The following PLA2R1 variants were observed in gnomAD, a reference collection of about 807,000 sequenced individuals.
The protein encoded by PLA2R1 is secretory phospholipase A2 receptor.
A neutral mutation model predicts 195.9 loss-of-function variants in PLA2R1; 158 were observed. That is an observed-to-expected ratio of 0.81 (90% CI 0.71 to 0.92). PLA2R1 has a LOEUF of 0.92. PLA2R1 is among the 40% of genes least tolerant of loss of function. The pLI, the probability that PLA2R1 is intolerant of heterozygous loss-of-function variation, is 0.00. For missense variants in PLA2R1, 1,626 were observed against 1,764.6 expected, an observed-to-expected ratio of 0.92 and a Z score of 1.41; for synonymous variants, 586 against 598.2, an observed-to-expected ratio of 0.98 and a Z score of 0.30.
At chr2:160,023,807 C>A (rs968087966) in intron 6 of PLA2R1, among the ~76,000 whole-genome samples, 1 of 152,214 alleles carries the variant, frequency 6.6e-6, no homozygotes, top group Non-Finnish European at 1.5e-5. Flanking sequence ...TACATTTTCA[C>A]GAAGGCAGCT....
chr2:159,955,033 T>C (rs1050290391), intron 23 of PLA2R1, among the ~76,000 whole-genome samples, 166 bp downstream of exon 23: 1 of 152,040 alleles, frequency 6.6e-6, no homozygotes, highest in Non-Finnish European at 1.5e-5. Context: ...AAGCCTAGGG[T>C]AGAGGAGATT....
downstream of PLA2R1, among the ~76,000 whole-genome samples, chr2:159,929,353 A>G (rs143560358): frequency 0.029 from 4,357 of 152,294 alleles, 94 homozygotes; most frequent in Non-Finnish European, 0.047. Context: ...TGAATACACA[A>G]TTCTCAAAAG....
intron 1 of PLA2R1, among the ~76,000 whole-genome samples, chr2:160,056,566 C>T (rs567391614): frequency 4.1e-4 from 63 of 152,358 alleles, no homozygotes; most frequent in Non-Finnish European, 7.5e-4. Context: ...CTAACTTTCA[C>T]TAACTGTTTT....
chr2:159,988,668 G>C (rs2105326767), intron 11 of PLA2R1, among the ~76,000 whole-genome samples: 1 of 152,152 alleles, frequency 6.6e-6, no homozygotes, highest in East Asian at 1.9e-4. Context: ...TTCTGTACCT[G>C]AAGGCTCTTT....
rs1686798612 is a variant in PLA2R1 at position 159,935,940 on chromosome 2, A to G, written c.*5838T>C. 8.6e-6 allele frequency: 1 copy of G among 116,140 alleles called. No homozygotes were observed. The highest frequency in any genetic ancestry group is 3.1e-5 in the African/African-American group (1 of 31,986). The allele number at this position is 116,140 out of a possible 1,614,324, so 7.2% of individuals were successfully genotyped here. A position where few individuals can be genotyped will look rare whatever the true frequency, so the allele number is the denominator to read the frequency against. On this transcript the variant is annotated 3_prime_UTR_variant, in exon 30 of 30. Coordinates refer to ENST00000283243, the MANE Select transcript of PLA2R1 (RefSeq NM_007366.5). ...TTCCTGCAGTAAAAATATGTATATA[A>G]ATTAATTTTTTTTTTTTTTTTTTTT... is the stretch of plus-strand genomic sequence containing the variant.
At chr2:159,986,296 G>A (rs1179117262) in intron 12 of PLA2R1, among the ~76,000 whole-genome samples, 1 of 152,080 alleles carries the variant, frequency 6.6e-6, no homozygotes, top group Non-Finnish European at 1.5e-5. Flanking sequence ...TGGTAAGTGC[G>A]ATGCAAATAT....
At chr2:160,024,080 T>TA (rs1430272566) in intron 6 of PLA2R1, among the ~76,000 whole-genome samples, 2 of 152,160 alleles carry the variant, frequency 1.3e-5, no homozygotes, top group Admixed American at 6.5e-5. Context: ...GCCTGGAGTC[T>TA]ACAGGACTAT....
intron 10 of PLA2R1, among the ~76,000 whole-genome samples, chr2:160,006,372 T>A (rs557387350): frequency 6.6e-6 from 1 of 152,218 alleles, no homozygotes; most frequent in African/African-American, 2.4e-5. Flanking sequence ...TAGGCAGAGG[T>A]AGGTCTCAGC....
rs1251670326 is a variant in PLA2R1, at chr2:159,937,671, AAT to A, written c.*4105_*4106del. 6.6e-6 allele frequency: 1 copy of A among 152,254 alleles called. No individual in the cohort carries two copies. The highest frequency in any genetic ancestry group is 1.5e-5 in the Non-Finnish European group (1 of 68,038). The allele number at this position is 152,254 out of a possible 1,614,324, so 9.4% of individuals were successfully genotyped here. Reference sequence around the variant, plus strand: ...CTTTTTCTACAGCTTGTTCTCTGACAATAGTCAGGCAGTGGATGAGATAAATT... The same window carrying A: ...CTTTTTCTACAGCTTGTTCTCTGACAAGTCAGGCAGTGGATGAGATAAATT... On this transcript the variant is annotated 3_prime_UTR_variant, in exon 30 of 30. Transcript: ENST00000283243.
Position 159,938,187 on chromosome 2 carries a change from T to C in PLA2R1, c.*3591A>G, listed in dbSNP as rs1166128062. Reference sequence around the variant, plus strand: ...ATTTCAACAGCCTGTGGAAGCTCCATAATGAATCAAAGATGGGTCTCAAGT... The same window carrying C: ...ATTTCAACAGCCTGTGGAAGCTCCACAATGAATCAAAGATGGGTCTCAAGT... On this transcript the variant is annotated 3_prime_UTR_variant, in exon 30 of 30. Transcript: ENST00000283243. 6.6e-6 allele frequency: 1 copy of C among 152,236 alleles called. No homozygotes were observed. Among genetic ancestry groups the C allele is most frequent in the Non-Finnish European group, 1.5e-5 (1 of 68,046 alleles). 9.4% of individuals were successfully genotyped at this position (152,236 alleles called of 1,614,324 possible). A position where few individuals can be genotyped will look rare whatever the true frequency, so the allele number is the denominator to read the frequency against.
In PLA2R1 at chr2:160,062,364, CCAGCAG is replaced by C. The variant is rs577078609; in HGVS notation, c.34_39del (p.Leu12_Leu13del). The C allele has an allele frequency of 1.3e-5, 20 of 1,535,484 alleles. No individual in the cohort carries two copies. The highest frequency in any genetic ancestry group is 6.0e-5 in the Admixed American group (3 of 50,060). On this transcript the variant is annotated inframe_deletion, in exon 1 of 30. Coordinates refer to ENST00000283243, the MANE Select transcript of PLA2R1 (RefSeq NM_007366.5). ...CCCTCGGCGCAGCCCCGCGGCGCCC[CCAGCAG>C]CAGCAGCAGCAGCAGCGACGGCGAC...
intron 28 of PLA2R1, among the ~76,000 whole-genome samples, chr2:159,943,724 G>T (rs1332658503): frequency 6.6e-6 from 1 of 152,230 alleles, no homozygotes; most frequent in South Asian, 2.1e-4. Context: ...TAAGACATGA[G>T]GTGTTTCTGA....
intron 27 of PLA2R1, among the ~76,000 whole-genome samples, 166 bp from the exon 28 acceptor site, chr2:159,945,248 G>A (rs1324766469): frequency 1.3e-5 from 2 of 151,646 alleles, no homozygotes; most frequent in East Asian, 3.9e-4. Flanking sequence ...TGCACAATGT[G>A]CAGGTTAGTT....
intron 15 of PLA2R1, 63 bp from the exon 16 acceptor site, chr2:159,976,783 A>C (rs1457010347): frequency 2.5e-6 from 3 of 1,203,492 alleles, no homozygotes; most frequent in African/African-American, 1.5e-5. Flanking sequence ...TCTGTGAATT[A>C]CTTCAGCTCT....
intron 29 of PLA2R1, 52 bp downstream of exon 29, chr2:159,942,075 A>G (rs1178496324): frequency 6.3e-7 from 1 of 1,585,110 alleles, no homozygotes; most frequent in Non-Finnish European, 8.7e-7. Flanking sequence ...GCTGCTTTCT[A>G]TCTTATTATT....
In PLA2R1 at chr2:159,955,840, G is replaced by T; in HGVS notation, c.3023-12C>A. 2 of 1,570,970 alleles carry T rather than the reference G, an allele frequency of 1.3e-6. No homozygotes were observed. Among genetic ancestry groups the T allele is most frequent in the South Asian group, 2.3e-5 (2 of 88,798 alleles). The stretch of plus-strand genomic sequence containing the variant: ...CATAGTAATGAAAGCTGAAAAACAG[G>T]AATACATTATCTAATTTAATACTGT... On this transcript the variant is annotated splice_polypyrimidine_tract_variant and intron_variant, in intron 21 of 29. Transcript: ENST00000283243.
intron 20 of PLA2R1, among the ~76,000 whole-genome samples, chr2:159,964,787 T>C (rs1371116482): frequency 3.3e-5 from 5 of 152,040 alleles, no homozygotes; most frequent in African/African-American, 1.2e-4. Flanking sequence ...AGGTACAACT[T>C]TGGGAGACCA....
At chr2:159,965,224 A>T (rs1688707963) in intron 20 of PLA2R1, among the ~76,000 whole-genome samples, 1 of 152,218 alleles carries the variant, frequency 6.6e-6, no homozygotes, top group South Asian at 2.1e-4. Context: ...GAGTTTGTAC[A>T]AATGTCTAGT....
At position 160,062,569 on chromosome 2, in the gene PLA2R1, C is replaced by T. The variant is rs894034604; in HGVS notation, c.-166G>A. ...CTTGCCAGCCCAGAGCCCTGGAGAC[C>T]CACTCCGCCACCGCTGTCTCCACAG... On this transcript the variant is annotated 5_prime_UTR_variant, in exon 1 of 30. Coordinates refer to ENST00000283243, the MANE Select transcript of PLA2R1 (RefSeq NM_007366.5). 4 of 1,199,438 alleles carry T rather than the reference C, an allele frequency of 3.3e-6. No homozygotes were observed. The highest frequency in any genetic ancestry group is 3.3e-6 in the Non-Finnish European group (3 of 915,450). The allele number at this position is 1,199,438 out of a possible 1,614,324, so 74.3% of individuals were successfully genotyped here.
Sources: allele counts gnomAD v4.1 joint callset (sites outside exome capture counted in the v4.1 genomes callset), GRCh38; gene constraint gnomAD v4.1.1; transcripts MANE v1.5; gene names NCBI Gene and HGNC (gene_info 2026-07-23, HGNC 2026-07-21).